TSPEAR: variants seen among roughly 807,000 people sequenced by gnomAD.
TSPEAR encodes thrombospondin type laminin G domain and EAR repeats, also known as thrombospondin-type laminin G domain and EAR repeat-containing protein.
TSPEAR carries 69 observed loss-of-function variants against 71.6 expected under a neutral mutation model. The observed-to-expected ratio is 0.96, with a 90% confidence interval of 0.79 to 1.18. The LOEUF (loss-of-function observed/expected upper bound fraction) is 1.18, where lower values mean the gene tolerates loss of function less well. Ranked by LOEUF, TSPEAR falls within the 50% of genes most tolerant of loss-of-function variation. TSPEAR has a pLI of 0.00. For missense variants in TSPEAR, 971 were observed against 894.9 expected (o/e 1.09, Z -1.09); for synonymous variants, 402 against 387.2 (o/e 1.04, Z -0.45).
chr21:44,544,531 G>A (rs1403322314), intron 2 of TSPEAR, among the ~76,000 whole-genome samples: 5 of 152,190 alleles, frequency 3.3e-5, no homozygotes, highest in African/African-American at 1.2e-4. Flanking sequence ...AGCAAGCTAT[G>A]GACCCAAAGA....
chr21:44,664,808 A>G (rs587761440), intron 1 of TSPEAR, among the ~76,000 whole-genome samples: 10 of 152,346 alleles, frequency 6.6e-5, no homozygotes, highest in African/African-American at 2.2e-4. Flanking sequence ...CAAATGCCCC[A>G]TGTGGAGCAC....
chr21:44,540,122 G>A (rs782195204), intron 2 of TSPEAR: 21 of 1,613,630 alleles, frequency 1.3e-5, no homozygotes, highest in East Asian at 2.2e-5. Context: ...GCAAGCGCTG[G>A]AGCAGACGGA....
At chr21:44,550,276 G>A (rs2053384206) in intron 2 of TSPEAR, 5 of 232,540 alleles carry the variant, frequency 2.2e-5, no homozygotes, top group African/African-American at 6.7e-5. Flanking sequence ...AGAGATCCAC[G>A]GGGCCCAGCC....
intron 1 of TSPEAR, among the ~76,000 whole-genome samples, chr21:44,699,850 T>G (rs1555951299): frequency 6.6e-6 from 1 of 152,192 alleles, no homozygotes; most frequent in Non-Finnish European, 1.5e-5. Context: ...GAAGCTGAGC[T>G]AGCGTCTTCC....
At chr21:44,608,003 A>G (rs1555930140) in intron 1 of TSPEAR, among the ~76,000 whole-genome samples, 1 of 152,192 alleles carries the variant, frequency 6.6e-6, no homozygotes, top group African/African-American at 2.4e-5. Flanking sequence ...TCCAGGAAAG[A>G]CAAACCTATT....
At chr21:44,590,756 G>A (rs140396472) in intron 1 of TSPEAR, among the ~76,000 whole-genome samples, 8,945 of 152,084 alleles carry the variant, frequency 0.059, 852 homozygotes, top group African/African-American at 0.2. Flanking sequence ...GAGGGTGAAT[G>A]TGGCTCAGGG....
At chr21:44,530,557 GC>G (rs2052948770) in intron 4 of TSPEAR, among the ~76,000 whole-genome samples, 1 of 151,996 alleles carries the variant, frequency 6.6e-6, no homozygotes, top group Non-Finnish European at 1.5e-5. Context: ...CCCTCCATCT[GC>G]CCATCCATCT....
chr21:44,670,354 A>AAAG (rs200053485), intron 1 of TSPEAR, among the ~76,000 whole-genome samples: 5,993 of 152,298 alleles, frequency 0.039, 130 homozygotes, highest in Middle Eastern at 0.085. Context: ...CCTCTTCCAC[A>AAAG]AAGAACCCAA....
intron 1 of TSPEAR, chr21:44,580,701 C>G: frequency 2.8e-6 from 3 of 1,058,918 alleles, no homozygotes; most frequent in Non-Finnish European, 4.2e-6. Flanking sequence ...AAATCCCTCC[C>G]TGGCGTGTGT....
At chr21:44,668,356 G>T (rs1026433238) in intron 1 of TSPEAR, among the ~76,000 whole-genome samples, 1 of 152,126 alleles carries the variant, frequency 6.6e-6, no homozygotes, top group Non-Finnish European at 1.5e-5. Flanking sequence ...TAAAATAATT[G>T]TGTAACAAAA....
chr21:44,529,666 C>T (rs1461561976), intron 5 of TSPEAR, 132 bp downstream of exon 5: 11 of 1,022,644 alleles, frequency 1.1e-5, no homozygotes, highest in African/African-American at 1.6e-5. Context: ...ATGACCGCTG[C>T]CCCCCGTAGC....
intron 1 of TSPEAR, among the ~76,000 whole-genome samples, chr21:44,689,734 T>TATATATATATATATATATAA (rs1200945937): frequency 1.6e-5 from 2 of 123,538 alleles, no homozygotes; most frequent in Non-Finnish European, 3.3e-5. Flanking sequence ...TATATATATA[T>TATATATATATATATATATAA]ATATATTTTG....
intron 1 of TSPEAR, among the ~76,000 whole-genome samples, chr21:44,600,043 C>A (rs1257504568): frequency 1.3e-5 from 2 of 152,204 alleles, no homozygotes; most frequent in African/African-American, 2.4e-5. Context: ...TGGCTCACAC[C>A]ACTGTCCACC....
intron 1 of TSPEAR, chr21:44,647,187 C>A: frequency 1.2e-6 from 2 of 1,614,118 alleles, no homozygotes; most frequent in Non-Finnish European, 8.5e-7. Context: ...TCTGCCACCC[C>A]GTGTGCAGGT....
Position 44,612,808 on chromosome 21 carries a change from G to C in TSPEAR, c.83-44803C>G. ...GTTGTGTCCCTGCCTCCTCCTGCCA[G>C]CCCAGCTGCTGCCACCCGGCCTCCT... On this transcript the variant is annotated intron_variant, in intron 1 of 11. Transcript: ENST00000323084. The surrounding 1 kb of genome is among the most constrained non-coding windows in gnomAD (Gnocchi z 4.1). 6.2e-7 allele frequency: 1 copy of C among 1,613,084 alleles called. No homozygotes were observed. The highest frequency in any genetic ancestry group is 8.5e-7 in the Non-Finnish European group (1 of 1,179,896).
intron 10 of TSPEAR, chr21:44,508,425 G>A (rs1354952987): frequency 2.2e-5 from 22 of 1,001,922 alleles, no homozygotes; most frequent in Admixed American, 5.1e-5. Flanking sequence ...TGGGAAAGCC[G>A]CCTGCTCCAT....
intron 1 of TSPEAR, among the ~76,000 whole-genome samples, chr21:44,707,882 A>ACTCCACAGACTGGAGTG (rs1482710584): frequency 1.3e-5 from 2 of 152,062 alleles, no homozygotes; most frequent in Admixed American, 6.5e-5. Flanking sequence ...TGGACTGGAC[A>ACTCCACAGACTGGAGTG]GTCTGTTCCC....
At chr21:44,550,231 C>A (rs868927788) in intron 2 of TSPEAR, 3 of 219,048 alleles carry the variant, frequency 1.4e-5, no homozygotes, top group African/African-American at 6.8e-5. Flanking sequence ...AGGTGTCACA[C>A]AAGAGCCCCC....
intron 1 of TSPEAR, among the ~76,000 whole-genome samples, chr21:44,690,103 T>C (rs1178873222): frequency 6.6e-6 from 1 of 152,056 alleles, no homozygotes; most frequent in Non-Finnish European, 1.5e-5. Context: ...CCAATCAAGT[T>C]GACACTCAGT....
Sources: allele counts gnomAD v4.1 joint callset (sites outside exome capture counted in the v4.1 genomes callset), GRCh38; gene constraint gnomAD v4.1.1; non-coding constraint Gnocchi (gnomAD v3.1); transcripts MANE v1.5; gene names NCBI Gene and HGNC (gene_info 2026-07-23, HGNC 2026-07-21).